Variants in TCF4 observed in about 807,000 individuals in gnomAD.
TCF4 encodes SL3-3 enhancer factor 2.
In TCF4, 3 loss-of-function variants were observed where a neutral mutation model predicts 82.1. The ratio of observed to expected loss-of-function variants is 0.04; its 90% CI spans 0.02 to 0.09. The LOEUF (loss-of-function observed/expected upper bound fraction) is 0.09, where lower values mean the gene tolerates loss of function less well. Ranked by LOEUF, TCF4 falls within the 10% of genes least tolerant of loss-of-function variation. The probability of loss-of-function intolerance (pLI) is 1.00; values close to 1 mark genes in which losing one functional copy is unlikely to be tolerated. For synonymous variants in TCF4, 276 were observed against 309.6 expected (o/e 0.89, Z 1.14); for missense variants, 518 against 852.7 (o/e 0.61, Z 4.89).
At chr18:55,505,487 T>C (rs2146143351) in intron 3 of TCF4, among the ~76,000 whole-genome samples, 1 of 152,226 alleles carries the variant, frequency 6.6e-6, no homozygotes, top group Non-Finnish European at 1.5e-5. Flanking sequence ...CTACCGCCAC[T>C]GTACAGATAA....
At chr18:55,438,318 T>C (rs1379906157) in intron 5 of TCF4, among the ~76,000 whole-genome samples, 4 of 133,890 alleles carry the variant, frequency 3.0e-5, no homozygotes, top group African/African-American at 5.7e-5. Context: ...TGAGGTGGGG[T>C]TGGTATTGCT....
rs532049652 is a variant in TCF4 at position 55,432,876 on chromosome 18, A to T, written c.304+28143T>A. Among the ~76,000 whole-genome samples, 30 of 152,342 alleles carry T rather than the reference A, an allele frequency of 2.0e-4. No individual in the cohort carries two copies. The South Asian group carries it at 6.2e-3, about 32-fold the overall frequency. ...CACATATTTCTATTAATAAAGCAAC[A>T]GGTCTACACTCATCAGCCTCACTTA... On this transcript the variant is annotated intron_variant, in intron 5 of 19. Transcript: ENST00000354452.
intron 3 of TCF4, among the ~76,000 whole-genome samples, chr18:55,528,776 A>G (rs1353335498): frequency 6.6e-6 from 1 of 152,224 alleles, no homozygotes; most frequent in Non-Finnish European, 1.5e-5. Flanking sequence ...TGAATGAGTA[A>G]TATGGGTTGT....
At chr18:55,572,435 A>G (rs2097482302) in intron 3 of TCF4, among the ~76,000 whole-genome samples, 1 of 152,088 alleles carries the variant, frequency 6.6e-6, no homozygotes. Context: ...GAGGGAGGGG[A>G]GAGAGAGAGG....
chr18:55,233,777 C>G (rs1364499749), intron 16 of TCF4, among the ~76,000 whole-genome samples: 1 of 149,068 alleles, frequency 6.7e-6, no homozygotes, highest in Non-Finnish European at 1.5e-5. Context: ...TGAGATCGCA[C>G]CACTGTACTC....
intron 6 of TCF4, among the ~76,000 whole-genome samples, chr18:55,355,999 G>A (rs1168605227): frequency 6.6e-6 from 1 of 152,078 alleles, no homozygotes; most frequent in East Asian, 1.9e-4. Flanking sequence ...TTGGGGGTGA[G>A]TTATGCAACT....
rs1474602321 is a variant in TCF4, at chr18:55,225,112, T to A, written c.*2923A>T. On this transcript the variant is annotated 3_prime_UTR_variant, in exon 20 of 20. Coordinates refer to ENST00000354452, the MANE Select transcript of TCF4 (RefSeq NM_001083962.2). ...TTTTTTAATGGGGATACAACCCAAT[T>A]AATATGGATAGGTGCAGATTATGTT... The A allele has an allele frequency of 1.3e-5, 2 of 152,122 alleles. No homozygotes were observed. The highest frequency in any genetic ancestry group is 2.4e-5 in the African/African-American group (1 of 41,404). 9.4% of individuals were successfully genotyped at this position (152,122 alleles called of 1,614,324 possible).
chr18:55,428,663 A>C (rs1375012213), intron 5 of TCF4, among the ~76,000 whole-genome samples: 1 of 152,206 alleles, frequency 6.6e-6, no homozygotes, highest in Non-Finnish European at 1.5e-5. Flanking sequence ...TTTAATTTTC[A>C]TTACTATGCT....
At chr18:55,343,359 A>C (rs2080438388) in intron 8 of TCF4, among the ~76,000 whole-genome samples, 1 of 152,130 alleles carries the variant, frequency 6.6e-6, no homozygotes, top group African/African-American at 2.4e-5. Context: ...AGTGAAATTT[A>C]ACACACACAC....
chr18:55,418,789 C>T (rs2094615376), intron 5 of TCF4, among the ~76,000 whole-genome samples: 1 of 152,136 alleles, frequency 6.6e-6, no homozygotes, highest in Non-Finnish European at 1.5e-5. Flanking sequence ...TACAGTTTTA[C>T]TTATGTGCAA....
At chr18:55,562,704 CTAAG>C (rs913853689) in intron 3 of TCF4, among the ~76,000 whole-genome samples, 74 of 152,262 alleles carry the variant, frequency 4.9e-4, no homozygotes, top group African/African-American at 1.8e-3. Flanking sequence ...TTTGCCATAA[CTAAG>C]TACTAAATGT....
intron 6 of TCF4, among the ~76,000 whole-genome samples, chr18:55,358,380 G>A (rs1780437309): frequency 6.6e-6 from 1 of 152,240 alleles, no homozygotes; most frequent in South Asian, 2.1e-4. Context: ...GGAGGAGGAT[G>A]GGTGGATGTG....
At chr18:55,241,651 G>T (rs2051268155) in intron 15 of TCF4, among the ~76,000 whole-genome samples, 1 of 152,180 alleles carries the variant, frequency 6.6e-6, no homozygotes, top group Non-Finnish European at 1.5e-5. Flanking sequence ...AGGATCCCTA[G>T]GGATTTACCA....
intron 3 of TCF4, among the ~76,000 whole-genome samples, chr18:55,536,339 A>G (rs1456062536): frequency 6.6e-6 from 1 of 152,216 alleles, no homozygotes; most frequent in Non-Finnish European, 1.5e-5. Flanking sequence ...ATATTTAACA[A>G]CAGTAAGGGT....
chr18:55,418,866 G>A (rs2094620643), intron 5 of TCF4, among the ~76,000 whole-genome samples: 1 of 152,074 alleles, frequency 6.6e-6, no homozygotes, highest in Non-Finnish European at 1.5e-5. Context: ...TGTTGTGTTA[G>A]TGCCCAGTTT....
At chr18:55,492,547 C>A (rs1431032525) in intron 3 of TCF4, among the ~76,000 whole-genome samples, 1 of 152,172 alleles carries the variant, frequency 6.6e-6, no homozygotes. Context: ...TTCTACACTA[C>A]CTTTAAAGCA....
intron 5 of TCF4, among the ~76,000 whole-genome samples, chr18:55,460,100 A>C (rs944163344): frequency 6.6e-6 from 1 of 152,190 alleles, no homozygotes; most frequent in African/African-American, 2.4e-5. Flanking sequence ...TGGTCTCAGA[A>C]AAATATAATC....
In TCF4 at chr18:55,580,742, A is replaced by ATGTGTG. The variant is rs5825144; in HGVS notation, c.145+4532_145+4537dup. On this transcript the variant is annotated intron_variant, in intron 3 of 19. Transcript: ENST00000354452. ...TAATCTTGCAAAAATGAGCTGTCTG[A>ATGTGTG]TGTGTGTGTGTGTGTGTGTGTGTGT... is the stretch of plus-strand genomic sequence containing the variant. 4.4e-3 allele frequency among the ~76,000 whole-genome samples: 639 copies of ATGTGTG among 145,372 alleles called. 3 individuals carry two copies. The highest frequency in any genetic ancestry group is 9.4e-3 in the African/African-American group (373 of 39,504).
chr18:55,318,999 T>C (rs577013375), intron 8 of TCF4, among the ~76,000 whole-genome samples: 4 of 152,196 alleles, frequency 2.6e-5, no homozygotes, highest in Admixed American at 1.3e-4. Flanking sequence ...GTTCAGGGAG[T>C]TCAAACTGAA....
Sources: allele counts gnomAD v4.1 joint callset (sites outside exome capture counted in the v4.1 genomes callset), GRCh38; gene constraint gnomAD v4.1.1; transcripts MANE v1.5; gene names NCBI Gene and HGNC (gene_info 2026-07-23, HGNC 2026-07-21).